Variants in DLGAP2 observed in about 807,000 individuals in gnomAD.
The protein encoded by DLGAP2 is DLG associated protein 2.
A neutral mutation model predicts 100.3 loss-of-function variants in DLGAP2; 26 were observed. The ratio of observed to expected loss-of-function variants is 0.26; its 90% CI spans 0.19 to 0.36. The LOEUF (loss-of-function observed/expected upper bound fraction) is 0.36. DLGAP2 is among the 10% of genes least tolerant of loss of function. DLGAP2 has a pLI of 1.00. For missense variants in DLGAP2, 1,858 were observed against 1,453.2 expected (o/e 1.28, Z -4.53); for synonymous variants, 886 against 630.1 (o/e 1.41, Z -6.08).
chr8:1,240,092 T>A (rs1798752753), intron 2 of DLGAP2, among the ~76,000 whole-genome samples: 1 of 150,950 alleles, frequency 6.6e-6, no homozygotes, highest in South Asian at 2.1e-4. Flanking sequence ...CGTTTCTAGT[T>A]CTCTCACATG....
intron 2 of DLGAP2, among the ~76,000 whole-genome samples, chr8:1,198,846 G>T (rs1437191559): frequency 6.6e-6 from 1 of 152,218 alleles, no homozygotes. Flanking sequence ...CATTGGTCTT[G>T]GCTGGGGGTT....
At chr8:1,200,010 G>T (rs577633017) in intron 2 of DLGAP2, among the ~76,000 whole-genome samples, 2 of 151,912 alleles carry the variant, frequency 1.3e-5, no homozygotes, top group African/African-American at 4.8e-5. Context: ...GTCCCATCCT[G>T]TGGAAAAGTG....
intron 2 of DLGAP2, among the ~76,000 whole-genome samples, chr8:983,336 TC>T (rs1183418654): frequency 2.0e-5 from 3 of 149,872 alleles, no homozygotes; most frequent in Admixed American, 6.8e-5. Flanking sequence ...AAGGTACAGG[TC>T]GTCGAGATGT....
chr8:747,823 C>CT (rs1414857006), intron 1 of DLGAP2, among the ~76,000 whole-genome samples: 2 of 552 alleles, frequency 3.6e-3, no homozygotes, highest in Non-Finnish European at 5.1e-3. Context: ...GATGGGCGGG[C>CT]CTGCGGTGGG....
intron 5 of DLGAP2, among the ~76,000 whole-genome samples, chr8:1,553,299 C>T (rs552892785): frequency 6.6e-4 from 100 of 152,314 alleles, no homozygotes; most frequent in Admixed American, 1.3e-3. Context: ...TGGCGTCGCC[C>T]GGCCGCAACC....
At chr8:986,848 T>C (rs574563483) in intron 2 of DLGAP2, among the ~76,000 whole-genome samples, 4 of 152,148 alleles carry the variant, frequency 2.6e-5, no homozygotes, top group African/African-American at 7.2e-5. Flanking sequence ...TTGGTAGAGA[T>C]GGGGTTTTGC....
Position 1,679,627 on chromosome 8 carries a change from A to C in DLGAP2, c.2704+998A>C, listed in dbSNP as rs1002720240. Among the ~76,000 whole-genome samples, 5 of 152,286 alleles carry C rather than the reference A, an allele frequency of 3.3e-5. No individual in the cohort carries two copies. The East Asian group carries it at 9.7e-4, about 29-fold the overall frequency. On this transcript the variant is annotated intron_variant, in intron 12 of 14. Coordinates refer to ENST00000637795, the MANE Select transcript of DLGAP2 (RefSeq NM_001346810.2). ...CTCACCTATGCCTCTGCTTCTCCACATGGAAGGGGACAGCCCCTTATTCTC... is the reference window on the plus strand; with the variant it reads ...CTCACCTATGCCTCTGCTTCTCCACCTGGAAGGGGACAGCCCCTTATTCTC...
At chr8:1,538,813 A>C (rs930891282) in intron 4 of DLGAP2, among the ~76,000 whole-genome samples, 1 of 151,786 alleles carries the variant, frequency 6.6e-6, no homozygotes, top group Non-Finnish European at 1.5e-5. Context: ...CATGTGTGTG[A>C]ATCATCAGCA....
At chr8:1,158,049 T>G (rs1448235196) in intron 2 of DLGAP2, among the ~76,000 whole-genome samples, 2 of 152,238 alleles carry the variant, frequency 1.3e-5, no homozygotes, top group African/African-American at 4.8e-5. Context: ...CCCTAGCTTA[T>G]GGCACTGTGC....
At chr8:1,580,276 G>A (rs952016762) in intron 6 of DLGAP2, among the ~76,000 whole-genome samples, 1 of 152,210 alleles carries the variant, frequency 6.6e-6, no homozygotes, top group Non-Finnish European at 1.5e-5. Context: ...GTGGAGAGAG[G>A]AGAACTCTAA....
In DLGAP2 at chr8:1,212,745, C is replaced by T. The variant is rs560830293; in HGVS notation, c.74-46106C>T. 1.7e-4 allele frequency among the ~76,000 whole-genome samples: 20 copies of T among 120,640 alleles called. No individual in the cohort carries two copies. In the South Asian group the frequency reaches 4.4e-3, roughly 27 times the overall value. The allele number at this position is 120,640 out of a possible 152,430, so 79.1% of individuals were successfully genotyped here. Reference sequence around the variant, plus strand: ...TTTTCCAGTACCTTTTTGCCAAGACCTCTCTCTCTCTCTCTTCCCCCCCGC... The same window carrying T: ...TTTTCCAGTACCTTTTTGCCAAGACTTCTCTCTCTCTCTCTTCCCCCCCGC... On this transcript the variant is annotated intron_variant, in intron 2 of 14. Transcript: ENST00000637795.
At chr8:778,013 A>T (rs1243568817) in intron 1 of DLGAP2, among the ~76,000 whole-genome samples, 1 of 150,920 alleles carries the variant, frequency 6.6e-6, no homozygotes, top group Non-Finnish European at 1.5e-5. Flanking sequence ...TGGTCTTTTC[A>T]CGTAGTCCCA....
chr8:1,550,331 C>G (rs531167427), intron 5 of DLGAP2, among the ~76,000 whole-genome samples: 1 of 152,346 alleles, frequency 6.6e-6, no homozygotes, highest in East Asian at 1.9e-4. Flanking sequence ...GGGACGTTAT[C>G]TACGGGCAGC....
chr8:1,367,575 G>T (rs550491857), intron 3 of DLGAP2, among the ~76,000 whole-genome samples: 27 of 152,320 alleles, frequency 1.8e-4, no homozygotes, highest in African/African-American at 6.3e-4. Flanking sequence ...CTCTAGAGCT[G>T]CTTTCACCAT....
At chr8:1,603,739 T>C (rs1464145040) in intron 6 of DLGAP2, among the ~76,000 whole-genome samples, 1 of 152,128 alleles carries the variant, frequency 6.6e-6, no homozygotes, top group Non-Finnish European at 1.5e-5. Context: ...GTTGGAACAG[T>C]CAGTATTTCT....
chr8:1,665,779 G>A (rs944071279), intron 8 of DLGAP2, among the ~76,000 whole-genome samples: 3 of 152,226 alleles, frequency 2.0e-5, no homozygotes, highest in Non-Finnish European at 4.4e-5. Context: ...ATCTGAAGAC[G>A]TGTCATTGAT....
At chr8:1,606,774 C>G (rs955039145) in intron 6 of DLGAP2, among the ~76,000 whole-genome samples, 2 of 152,186 alleles carry the variant, frequency 1.3e-5, no homozygotes, top group African/African-American at 4.8e-5. Context: ...CCTCCGCCCC[C>G]TGAGCTCAAG....
rs867869029 is a variant in DLGAP2 at position 747,335 on chromosome 8, C to T, written c.18+9510C>T. On this transcript the variant is annotated intron_variant, in intron 1 of 14. Coordinates refer to ENST00000637795, the MANE Select transcript of DLGAP2 (RefSeq NM_001346810.2). Reference sequence around the variant, plus strand: ...AAACCTCCTCTGAAAACCATCGAGCCGTAGTGACAAATGCACCATTTACCA... The same window carrying T: ...AAACCTCCTCTGAAAACCATCGAGCTGTAGTGACAAATGCACCATTTACCA... 7.9e-5 allele frequency among the ~76,000 whole-genome samples: 12 copies of T among 152,120 alleles called. 1 individual carries two copies. The Middle Eastern group carries it at 0.02, about 259-fold the overall frequency.
chr8:1,287,831 A>G (rs1419225942), intron 3 of DLGAP2, among the ~76,000 whole-genome samples: 2 of 105,616 alleles, frequency 1.9e-5, no homozygotes, highest in South Asian at 3.2e-4. Context: ...GTTTTGGTTC[A>G]GCGTGTGTGT....
Sources: allele counts gnomAD v4.1 joint callset (sites outside exome capture counted in the v4.1 genomes callset), GRCh38; gene constraint gnomAD v4.1.1; transcripts MANE v1.5; gene names NCBI Gene and HGNC (gene_info 2026-07-23, HGNC 2026-07-21).